Variants in RNF130 observed in about 807,000 individuals in gnomAD.
The protein encoded by RNF130 is ring finger protein 130.
RNF130 carries 21 observed loss-of-function variants against 44.6 expected under a neutral mutation model. The observed-to-expected ratio is 0.47, with a 90% CI of 0.33 to 0.68. The LOEUF is 0.68. Ranked by LOEUF, RNF130 falls within the 30% of genes least tolerant of loss-of-function variation. RNF130 has a pLI of 0.02. For missense variants in RNF130, 479 were observed against 560.6 expected (o/e 0.85, Z 1.47); for synonymous variants, 214 against 210.4 (o/e 1.02, Z -0.15).
downstream of RNF130, among the ~76,000 whole-genome samples, chr5:179,950,274 G>A (rs1006988452): frequency 3.3e-5 from 5 of 151,850 alleles, no homozygotes; most frequent in Admixed American, 6.6e-5. Flanking sequence ...CTGCCACCAC[G>A]CCTGGCTAAT....
At chr5:179,976,643 C>T (rs1445447944) in intron 5 of RNF130, 3 of 151,570 alleles carry the variant, frequency 2.0e-5, no homozygotes, top group African/African-American at 7.3e-5. Flanking sequence ...ACTGGACTTC[C>T]AGAATCTTGG....
intron 2 of RNF130, among the ~76,000 whole-genome samples, chr5:180,036,063 G>A (rs947577947): frequency 6.6e-5 from 10 of 152,154 alleles, no homozygotes; most frequent in African/African-American, 2.4e-4. Flanking sequence ...CTGAATATGA[G>A]TCAAACATCT....
intron 1 of RNF130, among the ~76,000 whole-genome samples, chr5:180,062,212 G>A (rs1373620534): frequency 2.0e-5 from 3 of 151,956 alleles, no homozygotes; most frequent in South Asian, 2.1e-4. Context: ...GCACAGCCAC[G>A]CCTAGATAAT....
At chr5:180,071,359 G>T (rs891856842) in intron 1 of RNF130, 97 bp downstream of exon 1, 2 of 1,144,588 alleles carry the variant, frequency 1.7e-6, no homozygotes, top group Non-Finnish European at 2.2e-6. Flanking sequence ...CGGGCAGCGC[G>T]GGAGAGCCAG....
At chr5:180,060,599 C>T (rs952915301) in intron 1 of RNF130, among the ~76,000 whole-genome samples, 1 of 152,182 alleles carries the variant, frequency 6.6e-6, no homozygotes, top group Non-Finnish European at 1.5e-5. Flanking sequence ...GCACTTCCAC[C>T]CTAACTTAGC....
chr5:180,012,957 A>G (rs1185888094), intron 3 of RNF130, 104 bp downstream of exon 3: 1 of 1,345,852 alleles, frequency 7.4e-7, no homozygotes, highest in African/African-American at 1.5e-5. Flanking sequence ...TGAGGGTAAC[A>G]ACATTTTTTA....
intron 3 of RNF130, among the ~76,000 whole-genome samples, chr5:179,997,632 G>A (rs1182061242): frequency 6.6e-6 from 1 of 151,810 alleles, no homozygotes; most frequent in Non-Finnish European, 1.5e-5. Context: ...GTGGCCTTAT[G>A]TTTGTATTTT....
chr5:179,970,417 C>A lies in RNF130; in HGVS notation c.938G>T (p.Gly313Val). 6.2e-7 allele frequency: 1 copy of A among 1,609,722 alleles called. No homozygotes were observed. Among genetic ancestry groups the A allele is most frequent in the Non-Finnish European group, 8.5e-7 (1 of 1,177,436 alleles). ...ATAAAATAGGAAACGTACCACAATTCCCAGGGCCTTCAATATATTAAGTTT... is the reference window on the plus strand; with the variant it reads ...ATAAAATAGGAAACGTACCACAATTACCAGGGCCTTCAATATATTAAGTTT... ...MCKLNILKAL[G>V]IVPNLPCTDN... The change falls in exon 6 of 9, where the codon GGA becomes GTA. Residue 313 changes from glycine to valine, a missense_variant. Around this residue, in one of 3 missense-constraint regions of RNF130, gnomAD observed 161 missense variants for 158.6 expected, o/e 1.02. Transcript: ENST00000521389.
intron 2 of RNF130, among the ~76,000 whole-genome samples, chr5:180,028,005 T>TAAA (rs1054147101): frequency 1.2e-4 from 18 of 152,256 alleles, no homozygotes; most frequent in African/African-American, 3.6e-4. Context: ...GTCCCTGCTT[T>TAAA]AGGCACACTT....
chr5:179,922,851 TTGAGTCCGGGAAGCAGAGGCTGCAG>T (rs1401273220), intron 7 of RNF130, among the ~76,000 whole-genome samples: 1 of 151,868 alleles, frequency 6.6e-6, no homozygotes, highest in Non-Finnish European at 1.5e-5. Flanking sequence ...GGAGGATCGC[TTGAGTCCGGGAAGCAGAGGCTGCAG>T]TGAGCCGAGA....
intron 1 of RNF130, among the ~76,000 whole-genome samples, chr5:180,069,547 T>C (rs1428544778): frequency 3.3e-5 from 5 of 152,164 alleles, no homozygotes; most frequent in Non-Finnish European, 5.9e-5. Flanking sequence ...CCCAAATGTG[T>C]TCATTTTGTT....
intron 8 of RNF130, among the ~76,000 whole-genome samples, chr5:179,961,057 A>T (rs539359604): frequency 6.6e-6 from 1 of 152,150 alleles, no homozygotes; most frequent in African/African-American, 2.4e-5. Flanking sequence ...CTTTCCTATC[A>T]TCTGCCACAA....
intron 7 of RNF130, among the ~76,000 whole-genome samples, chr5:179,933,124 T>C (rs1761833456): frequency 6.6e-6 from 1 of 152,180 alleles, no homozygotes; most frequent in African/African-American, 2.4e-5. Context: ...ACAGAAGGAC[T>C]TGGGAAGTTC....
At chr5:180,020,864 A>G (rs766222130) in intron 2 of RNF130, among the ~76,000 whole-genome samples, 1 of 152,182 alleles carries the variant, frequency 6.6e-6, no homozygotes, top group African/African-American at 2.4e-5. Context: ...AAGAATTTCC[A>G]GGGGTTGCCA....
intron 2 of RNF130, among the ~76,000 whole-genome samples, chr5:180,038,413 T>G (rs1240589834): frequency 2.0e-5 from 3 of 149,632 alleles, no homozygotes; most frequent in African/African-American, 7.4e-5. Context: ...CCTGTTTTGT[T>G]TTTTTTTTTA....
At chr5:180,040,369 G>T in intron 2 of RNF130, 84 bp downstream of exon 2, 4 of 1,255,256 alleles carry the variant, frequency 3.2e-6, no homozygotes, top group Non-Finnish European at 4.5e-6. Context: ...AAATTACATG[G>T]CTTCAGCAGA....
At chr5:179,966,719 G>T in intron 7 of RNF130, 87 bp downstream of exon 7, 1 of 1,154,122 alleles carries the variant, frequency 8.7e-7, no homozygotes, top group Non-Finnish European at 1.3e-6. Flanking sequence ...GTTGCAGGCT[G>T]AGGCGAGTGC....
intron 3 of RNF130, 26 bp from the exon 4 acceptor site, chr5:179,980,226 A>G (rs756073346): frequency 2.5e-6 from 4 of 1,606,728 alleles, no homozygotes; most frequent in African/African-American, 1.3e-5. Flanking sequence ...ATAAAAACAG[A>G]TACTAAGTGT....
intron 1 of RNF130, among the ~76,000 whole-genome samples, chr5:180,057,269 G>C (rs879280201): frequency 1.6e-4 from 25 of 152,162 alleles, no homozygotes; most frequent in Admixed American, 9.2e-4. Context: ...CTGTGTCGGG[G>C]TGGGCACAGT....
Sources: gnomAD v4.1 joint callset for allele counts (sites outside exome capture counted in the v4.1 genomes callset) on GRCh38, gnomAD v4.1.1 for gene constraint, gnomAD v4.1.1 regional missense constraint, MANE v1.5 for transcripts, NCBI Gene and HGNC (gene_info 2026-07-23, HGNC 2026-07-21) for gene names.